Variants in CCDC179 observed in about 807,000 individuals in gnomAD.
CCDC179 encodes the protein coiled-coil domain-containing protein 179.
A neutral mutation model predicts 12.0 loss-of-function variants in CCDC179; 17 were observed. That is an observed-to-expected ratio of 1.42 (90% CI 0.97 to 2.13). The LOEUF is 2.13. Ranked by LOEUF, CCDC179 falls within the 30% of genes most tolerant of loss-of-function variation. The probability of loss-of-function intolerance (pLI) is 0.00; values close to 1 mark genes in which losing one functional copy is unlikely to be tolerated. For synonymous variants in CCDC179, 27 were observed against 26.4 expected, an observed-to-expected ratio of 1.02 and a Z score of -0.07; for missense variants, 83 against 78.6, an observed-to-expected ratio of 1.06 and a Z score of -0.21.
chr11:22,847,945 G>T (rs1858265523), intron 3 of CCDC179, among the ~76,000 whole-genome samples: 1 of 152,108 alleles, frequency 6.6e-6, no homozygotes, highest in African/African-American at 2.4e-5. Context: ...GACTAACACA[G>T]CATATTTTAG....
At chr11:22,851,418 G>A (rs1335800852) in intron 3 of CCDC179, among the ~76,000 whole-genome samples, 2 of 152,052 alleles carry the variant, frequency 1.3e-5, no homozygotes, top group African/African-American at 2.4e-5. Flanking sequence ...CATGCTAATG[G>A]TACCTCTATT....
intron 2 of CCDC179, 58 bp from the exon 3 acceptor site, chr11:22,858,084 C>T: frequency 9.3e-7 from 1 of 1,075,540 alleles, no homozygotes; most frequent in Non-Finnish European, 1.3e-6. Flanking sequence ...ATAAAGGTAA[C>T]ATTCTGATTA....
At chr11:22,849,260 T>C (rs1858313516) in intron 3 of CCDC179, among the ~76,000 whole-genome samples, 1 of 152,214 alleles carries the variant, frequency 6.6e-6, no homozygotes, top group South Asian at 2.1e-4. Flanking sequence ...TAGTAAAAAG[T>C]ATCTGGATGT....
intron 1 of CCDC179, 28 bp from the exon 2 acceptor site, chr11:22,859,524 T>C: frequency 7.2e-7 from 1 of 1,389,982 alleles, no homozygotes. Flanking sequence ...TTAAAACACA[T>C]TCACACAAAA....
chr11:22,855,402 C>T (rs1858510151), intron 3 of CCDC179, among the ~76,000 whole-genome samples: 1 of 151,552 alleles, frequency 6.6e-6, no homozygotes, highest in South Asian at 2.1e-4. Context: ...AGAAAGATAA[C>T]TGGAAATTCC....
At chr11:22,857,240 G>A (rs1858548978) in intron 3 of CCDC179, among the ~76,000 whole-genome samples, 1 of 151,530 alleles carries the variant, frequency 6.6e-6, no homozygotes, top group Non-Finnish European at 1.5e-5. Context: ...GAACAGAAGA[G>A]GACTGACACT....
intron 3 of CCDC179, among the ~76,000 whole-genome samples, chr11:22,851,281 A>G (rs1858397735): frequency 6.6e-6 from 1 of 151,880 alleles, no homozygotes; most frequent in African/African-American, 2.4e-5. Flanking sequence ...TGCAAAAACA[A>G]ATGGTAAACA....
chr11:22,859,529 A>G, intron 1 of CCDC179, 33 bp from the exon 2 acceptor site: 1 of 1,344,750 alleles, frequency 7.4e-7, no homozygotes, highest in South Asian at 1.8e-5. Flanking sequence ...ACACATTCAC[A>G]CAAAAAAGTC....
chr11:22,848,685 G>A (rs148103534), intron 3 of CCDC179, among the ~76,000 whole-genome samples: 71 of 152,228 alleles, frequency 4.7e-4, no homozygotes, highest in African/African-American at 1.7e-3. Context: ...AAAAAAATGA[G>A]AAGAGGGCAT....
At chr11:22,851,845 AG>A (rs1447525886) in intron 3 of CCDC179, among the ~76,000 whole-genome samples, 5 of 152,296 alleles carry the variant, frequency 3.3e-5, no homozygotes. Context: ...GGACAGTCTT[AG>A]GGAAGCTCCC....
At chr11:22,849,888 G>A (rs1858330303) in intron 3 of CCDC179, among the ~76,000 whole-genome samples, 1 of 152,012 alleles carries the variant, frequency 6.6e-6, no homozygotes, top group South Asian at 2.1e-4. Context: ...CTGGAAAACA[G>A]CTCTCTCTCT....
chr11:22,848,285 A>C (rs1858275316), intron 3 of CCDC179, among the ~76,000 whole-genome samples: 2 of 152,104 alleles, frequency 1.3e-5, no homozygotes, highest in African/African-American at 4.8e-5. Context: ...CTCTACTAAA[A>C]ATACAAAAAT....
At chr11:22,857,369 T>C (rs892758992) in intron 3 of CCDC179, among the ~76,000 whole-genome samples, 12 of 151,520 alleles carry the variant, frequency 7.9e-5, no homozygotes, top group African/African-American at 2.9e-4. Context: ...AAATATATAG[T>C]CAATAAATCT....
At chr11:22,860,074 G>A (rs1858626815) in intron 1 of CCDC179, among the ~76,000 whole-genome samples, 1 of 152,192 alleles carries the variant, frequency 6.6e-6, no homozygotes, top group Admixed American at 6.5e-5. Flanking sequence ...TGGCAATTGA[G>A]AACTTTATCC....
intron 3 of CCDC179, among the ~76,000 whole-genome samples, chr11:22,848,703 G>C (rs1858294259): frequency 6.6e-6 from 1 of 152,130 alleles, no homozygotes; most frequent in Admixed American, 6.5e-5. Flanking sequence ...CATTAGTAGG[G>C]ATACTGCTTA....
chr11:22,855,097 C>T (rs182401233), intron 3 of CCDC179, among the ~76,000 whole-genome samples: 112 of 151,796 alleles, frequency 7.4e-4, no homozygotes, highest in African/African-American at 2.6e-3. Flanking sequence ...ATAGACAAAT[C>T]TGCTATCATA....
intron 3 of CCDC179, among the ~76,000 whole-genome samples, chr11:22,850,951 T>TATAC (rs1403102616): frequency 3.6e-4 from 3 of 8,408 alleles, no homozygotes; most frequent in Middle Eastern, 0.029. Flanking sequence ...TATATATATA[T>TATAC]ATATATATAT....
chr11:22,859,102 C>A (rs1256991624), intron 2 of CCDC179, among the ~76,000 whole-genome samples: 6 of 152,022 alleles, frequency 3.9e-5, no homozygotes, highest in African/African-American at 1.4e-4. Context: ...TGGAGGTCAC[C>A]TCTGGGAGAG....
intron 3 of CCDC179, among the ~76,000 whole-genome samples, chr11:22,848,509 A>G (rs960040298): frequency 6.6e-6 from 1 of 152,242 alleles, no homozygotes; most frequent in African/African-American, 2.4e-5. Context: ...ACTTCTTTTA[A>G]CAACTGTGTT....
Sources: gnomAD v4.1 joint callset for allele counts (sites outside exome capture counted in the v4.1 genomes callset) on GRCh38, gnomAD v4.1.1 for gene constraint, MANE v1.5 for transcripts, NCBI Gene and HGNC (gene_info 2026-07-23, HGNC 2026-07-21) for gene names.